EYA1: variants seen among roughly 807,000 people sequenced by gnomAD.
EYA1 encodes protein phosphatase EYA1.
A neutral mutation model predicts 82.0 loss-of-function variants in EYA1; 16 were observed. The observed-to-expected ratio is 0.20, with a 90% CI of 0.13 to 0.30. The LOEUF (loss-of-function observed/expected upper bound fraction) is 0.30, where lower values mean the gene tolerates loss of function less well. Among genes scored for constraint, EYA1 ranks in the 10% least tolerant of loss-of-function variants. The pLI, the probability that EYA1 is intolerant of heterozygous loss-of-function variation, is 1.00. For missense variants in EYA1, 633 were observed against 730.7 expected, an observed-to-expected ratio of 0.87 and a Z score of 1.54; for synonymous variants, 261 against 264.4, an observed-to-expected ratio of 0.99 and a Z score of 0.12.
chr8:71,427,340 T>A (rs1805309654), intron 2 of EYA1, among the ~76,000 whole-genome samples: 1 of 152,196 alleles, frequency 6.6e-6, no homozygotes, highest in Non-Finnish European at 1.5e-5. Context: ...CTTAATGACC[T>A]GGTTGTAGTT....
In EYA1 at chr8:71,197,724, C is replaced by T. The variant is rs1806413316; in HGVS notation, c.*1616G>A. On this transcript the variant is annotated 3_prime_UTR_variant, in exon 18 of 18. Transcript: ENST00000340726. The stretch of plus-strand genomic sequence containing the variant: ...ACAACTTCAGAAAAGAATGAAGTAG[C>T]TCTTCAACTACTTCGGGTCAAAGCT... The T allele has an allele frequency of 6.6e-6, 1 of 152,618 alleles. No homozygotes were observed. The highest frequency in any genetic ancestry group is 6.5e-5 in the Admixed American group (1 of 15,272). The allele number at this position is 152,618 out of a possible 1,614,324, so 9.5% of individuals were successfully genotyped here.
intron 7 of EYA1, among the ~76,000 whole-genome samples, chr8:71,300,988 T>A (rs1428010391): frequency 1.3e-5 from 2 of 152,182 alleles, no homozygotes; most frequent in African/African-American, 4.8e-5. Flanking sequence ...CATTTTTAAG[T>A]TTTCTACTCG....
At chr8:71,342,679 AAAG>A (rs1825274420) in intron 3 of EYA1, among the ~76,000 whole-genome samples, 1 of 152,194 alleles carries the variant, frequency 6.6e-6, no homozygotes, top group African/African-American at 2.4e-5. Context: ...TCCATATGTG[AAAG>A]AGTTAAATAT....
At chr8:71,394,833 T>C (rs1359720499) in intron 2 of EYA1, among the ~76,000 whole-genome samples, 1 of 152,170 alleles carries the variant, frequency 6.6e-6, no homozygotes, top group African/African-American at 2.4e-5. Context: ...GTGAAGAAAG[T>C]CATTGGTAGC....
At chr8:71,513,656 T>TTTA (rs1323864745) in intron 2 of EYA1, among the ~76,000 whole-genome samples, 22 of 152,164 alleles carry the variant, frequency 1.4e-4, no homozygotes, top group Admixed American at 3.3e-4. Context: ...AAGTTATCAT[T>TTTA]GACTATAGTC....
chr8:71,506,264 T>A (rs752896475), intron 2 of EYA1, among the ~76,000 whole-genome samples: 1 of 152,184 alleles, frequency 6.6e-6, no homozygotes, highest in Non-Finnish European at 1.5e-5. Context: ...CAAAGGCATA[T>A]CCAGAGCAAA....
At chr8:71,409,820 T>A (rs2129138899) in intron 2 of EYA1, among the ~76,000 whole-genome samples, 1 of 133,450 alleles carries the variant, frequency 7.5e-6, no homozygotes, top group African/African-American at 2.9e-5. Flanking sequence ...TACCATTCCT[T>A]CTGAAACTAT....
intron 2 of EYA1, among the ~76,000 whole-genome samples, chr8:71,503,924 T>G (rs1026967645): frequency 3.9e-5 from 6 of 152,142 alleles, no homozygotes; most frequent in Non-Finnish European, 8.8e-5. Flanking sequence ...CTCACATCCC[T>G]ATGTGATGTG....
At chr8:71,360,920 T>C (rs978194758) in intron 1 of EYA1, among the ~76,000 whole-genome samples, 1 of 152,202 alleles carries the variant, frequency 6.6e-6, no homozygotes, top group East Asian at 1.9e-4. Flanking sequence ...AACCCATGAG[T>C]CATTAACAAT....
intron 2 of EYA1, among the ~76,000 whole-genome samples, chr8:71,522,097 C>T (rs975143401): frequency 6.6e-6 from 1 of 152,120 alleles, no homozygotes; most frequent in South Asian, 2.1e-4. Flanking sequence ...TATTTATAAT[C>T]TGTATGTGCT....
chr8:71,517,149 C>A (rs922710940), intron 2 of EYA1, among the ~76,000 whole-genome samples: 1 of 151,850 alleles, frequency 6.6e-6, no homozygotes, highest in Non-Finnish European at 1.5e-5. Flanking sequence ...CTTCTTAAGT[C>A]ACCTCACATA....
At chr8:71,352,963 C>T (rs1204168186) in intron 3 of EYA1, among the ~76,000 whole-genome samples, 3 of 152,186 alleles carry the variant, frequency 2.0e-5, no homozygotes, top group African/African-American at 7.2e-5. Flanking sequence ...ATGAAAACTT[C>T]TTAGTCCTAC....
At chr8:71,283,148 G>A (rs1429353187) in intron 9 of EYA1, among the ~76,000 whole-genome samples, 1 of 151,834 alleles carries the variant, frequency 6.6e-6, no homozygotes, top group Non-Finnish European at 1.5e-5. Context: ...TTTCCCAGAG[G>A]CTCCAATGCC....
chr8:71,317,828 A>G, intron 6 of EYA1, 139 bp from the exon 7 acceptor site: 1 of 800,842 alleles, frequency 1.2e-6, no homozygotes, highest in East Asian at 2.5e-5. Flanking sequence ...ACATGCATTC[A>G]GTGAAATACC....
At chr8:71,277,119 T>TGC (rs1413308706) in intron 9 of EYA1, among the ~76,000 whole-genome samples, 5 of 20,090 alleles carry the variant, frequency 2.5e-4, no homozygotes, top group African/African-American at 1.1e-3. Context: ...TCACACATTT[T>TGC]TTTTTTTTTT....
At chr8:71,425,264 G>T (rs905162905) in intron 2 of EYA1, among the ~76,000 whole-genome samples, 1 of 151,116 alleles carries the variant, frequency 6.6e-6, no homozygotes, top group Non-Finnish European at 1.5e-5. Context: ...CTCCAGCCTG[G>T]GTGACAGAGG....
chr8:71,500,657 A>G (rs1273393426), intron 2 of EYA1, among the ~76,000 whole-genome samples: 1 of 152,186 alleles, frequency 6.6e-6, no homozygotes, highest in African/African-American at 2.4e-5. Context: ...ATCTTGATGT[A>G]TCTATTTTTT....
intron 11 of EYA1, among the ~76,000 whole-genome samples, chr8:71,268,824 C>T (rs552207955): frequency 1.3e-5 from 2 of 152,262 alleles, no homozygotes; most frequent in Admixed American, 6.5e-5. Context: ...AGAACAACCA[C>T]CCGGTCAAAT....
At chr8:71,385,978 G>A (rs907792498) in intron 2 of EYA1, among the ~76,000 whole-genome samples, 1 of 152,078 alleles carries the variant, frequency 6.6e-6, no homozygotes, top group Admixed American at 6.6e-5. Context: ...ATCTGTCCCC[G>A]ACTTTGCACC....
Sources: gnomAD v4.1 joint callset for allele counts (sites outside exome capture counted in the v4.1 genomes callset) on GRCh38, gnomAD v4.1.1 for gene constraint, MANE v1.5 for transcripts, NCBI Gene and HGNC (gene_info 2026-07-23, HGNC 2026-07-21) for gene names.